Variants in ESRRG observed in about 807,000 individuals in gnomAD.
ESRRG encodes estrogen-related receptor gamma.
ESRRG carries 13 observed loss-of-function variants against 44.0 expected under a neutral mutation model. That is an observed-to-expected ratio of 0.30 (90% confidence interval 0.19 to 0.47). The LOEUF is 0.47. Among genes scored for constraint, ESRRG ranks in the 20% least tolerant of loss-of-function variants. The pLI, the probability that ESRRG is intolerant of heterozygous loss-of-function variation, is 1.00. For missense variants in ESRRG, 395 were observed against 580.6 expected (o/e 0.68, Z 3.29); for synonymous variants, 215 against 214.6 (o/e 1.00, Z -0.02).
chr1:217,055,287 G>A (rs2086857677), intron 1 of ESRRG, among the ~76,000 whole-genome samples: 1 of 152,092 alleles, frequency 6.6e-6, no homozygotes, highest in African/African-American at 2.4e-5. Flanking sequence ...GGTAGAAGAA[G>A]AGACTCAGAG....
chr1:216,606,644 G>A (rs184559138), intron 3 of ESRRG, among the ~76,000 whole-genome samples: 1 of 152,180 alleles, frequency 6.6e-6, no homozygotes, highest in East Asian at 1.9e-4. Context: ...GGGTACAGAA[G>A]ATTCCATAAT....
chr1:216,569,853 G>A (rs935978958), intron 3 of ESRRG, among the ~76,000 whole-genome samples: 2 of 152,006 alleles, frequency 1.3e-5, no homozygotes, highest in Admixed American at 6.6e-5. Context: ...AATATGCGAC[G>A]GGCTCTGTAA....
chr1:217,010,354 C>T (rs1047295983), intron 1 of ESRRG, among the ~76,000 whole-genome samples: 1 of 152,100 alleles, frequency 6.6e-6, no homozygotes, highest in Non-Finnish European at 1.5e-5. Flanking sequence ...TGAAAACACT[C>T]ACAAATGCAG....
chr1:216,969,223 C>T (rs2071110781), intron 1 of ESRRG, among the ~76,000 whole-genome samples: 1 of 152,112 alleles, frequency 6.6e-6, no homozygotes, highest in Non-Finnish European at 1.5e-5. Context: ...TGTCATGAAG[C>T]TCACCTTCCA....
intron 2 of ESRRG, among the ~76,000 whole-genome samples, chr1:216,773,020 G>T: frequency 6.6e-6 from 1 of 152,010 alleles, no homozygotes; most frequent in East Asian, 1.9e-4. Flanking sequence ...CCCTTTTAAC[G>T]CTCAACATGG....
At chr1:217,100,219 T>C (rs2092489737) in intron 1 of ESRRG, among the ~76,000 whole-genome samples, 1 of 152,194 alleles carries the variant, frequency 6.6e-6, no homozygotes, top group South Asian at 2.1e-4. Flanking sequence ...GTATCATTTC[T>C]CTAAGGCTGT....
Position 216,538,978 on chromosome 1 carries a change from TACTC to T in ESRRG, c.863-19561_863-19558del, listed in dbSNP as rs2051854266. 7.9e-5 allele frequency among the ~76,000 whole-genome samples: 12 copies of T among 152,068 alleles called. No individual in the cohort carries two copies. In the South Asian group the frequency reaches 2.5e-3, roughly 32 times the overall value. On this transcript the variant is annotated intron_variant, in intron 5 of 6. Coordinates refer to ENST00000408911, the MANE Select transcript of ESRRG (RefSeq NM_001438.4). The stretch of plus-strand genomic sequence containing the variant: ...TAGGCATGTCATGTCAATTAACAAT[TACTC>T]TAGCAAGCATAGGACTTAAACATTT...
intron 1 of ESRRG, among the ~76,000 whole-genome samples, chr1:216,966,686 T>C (rs2070454824): frequency 6.6e-6 from 1 of 152,038 alleles, no homozygotes; most frequent in African/African-American, 2.4e-5. Flanking sequence ...CGTTCTGAGG[T>C]CCCAGGGAAC....
At chr1:216,633,241 T>C (rs2064602468) in intron 3 of ESRRG, among the ~76,000 whole-genome samples, 1 of 152,186 alleles carries the variant, frequency 6.6e-6, no homozygotes, top group East Asian at 1.9e-4. Context: ...GTGGATGATT[T>C]ATGCTCATAG....
At chr1:216,835,638 G>C (rs1433978542) in intron 2 of ESRRG, among the ~76,000 whole-genome samples, 1 of 152,136 alleles carries the variant, frequency 6.6e-6, no homozygotes. Flanking sequence ...TGGAAGGGAG[G>C]TACATTCCAC....
At chr1:216,741,233 TTATAATTTATATTA>T (rs2090665714) in intron 2 of ESRRG, among the ~76,000 whole-genome samples, 2 of 146,798 alleles carry the variant, frequency 1.4e-5, no homozygotes, top group Non-Finnish European at 3.0e-5. Flanking sequence ...TAATTTATAT[TTATAATTTATATTA>T]TATAATTTAT....
chr1:217,010,301 ATGAC>A (rs2078383771), intron 1 of ESRRG, among the ~76,000 whole-genome samples: 1 of 152,166 alleles, frequency 6.6e-6, no homozygotes, highest in Admixed American at 6.6e-5. Context: ...GGGTCTGAAA[ATGAC>A]TGTTAATCAC....
intron 5 of ESRRG, among the ~76,000 whole-genome samples, chr1:216,527,684 C>T (rs1234341574): frequency 2.6e-5 from 4 of 152,164 alleles, no homozygotes; most frequent in Non-Finnish European, 5.9e-5. Flanking sequence ...TGATCTCTCA[C>T]CAAGTTTTCT....
intron 2 of ESRRG, among the ~76,000 whole-genome samples, chr1:216,887,771 T>C (rs1053792436): frequency 1.3e-5 from 2 of 152,196 alleles, no homozygotes; most frequent in Non-Finnish European, 2.9e-5. Flanking sequence ...TTAAAAGATA[T>C]ACCTAAATGC....
At chr1:216,769,768 T>C (rs2093300953) in intron 2 of ESRRG, among the ~76,000 whole-genome samples, 1 of 152,054 alleles carries the variant, frequency 6.6e-6, no homozygotes, top group Non-Finnish European at 1.5e-5. Flanking sequence ...TGACTGATAA[T>C]AGAGGTTTAT....
chr1:217,008,344 A>G (rs2150749382), intron 1 of ESRRG, among the ~76,000 whole-genome samples: 1 of 152,344 alleles, frequency 6.6e-6, no homozygotes, highest in South Asian at 2.1e-4. Flanking sequence ...TCCATACATT[A>G]TTTCTCCACA....
intron 2 of ESRRG, among the ~76,000 whole-genome samples, chr1:216,820,391 GTTA>G (rs933143384): frequency 5.3e-5 from 8 of 152,282 alleles, no homozygotes; most frequent in Admixed American, 5.2e-4. Flanking sequence ...CTCATAAAGG[GTTA>G]TGTAAATTGT....
At chr1:217,122,616 T>C (rs1002898380) in intron 1 of ESRRG, among the ~76,000 whole-genome samples, 1 of 151,776 alleles carries the variant, frequency 6.6e-6, no homozygotes, top group Non-Finnish European at 1.5e-5. Context: ...AATTCCTTCA[T>C]TTACAACGAC....
chr1:216,924,039 T>A (rs2062188285), intron 2 of ESRRG, among the ~76,000 whole-genome samples: 1 of 152,170 alleles, frequency 6.6e-6, no homozygotes, highest in Admixed American at 6.5e-5. Context: ...CAGAATTATT[T>A]AGAGATGGTG....
Sources: allele counts gnomAD v4.1 joint callset (sites outside exome capture counted in the v4.1 genomes callset), GRCh38; gene constraint gnomAD v4.1.1; transcripts MANE v1.5; gene names NCBI Gene and HGNC (gene_info 2026-07-23, HGNC 2026-07-21).